The following TNFRSF10B variants were observed in gnomAD, a reference collection of about 807,000 sequenced individuals.
TNFRSF10B encodes TNF receptor superfamily member 10b, also known as tumor necrosis factor receptor superfamily member 10B.
TNFRSF10B carries 35 observed loss-of-function variants against 41.4 expected under a neutral mutation model. The ratio of observed to expected loss-of-function variants is 0.85; its 90% CI spans 0.65 to 1.12. The LOEUF is 1.12. TNFRSF10B is among the 50% of genes most tolerant of loss of function. The pLI is 0.00. For synonymous variants in TNFRSF10B, 230 were observed against 215.5 expected, an observed-to-expected ratio of 1.07 and a Z score of -0.59; for missense variants, 584 against 552.7, an observed-to-expected ratio of 1.06 and a Z score of -0.57.
intron 1 of TNFRSF10B, among the ~76,000 whole-genome samples, chr8:23,055,037 G>A (rs535554029): frequency 5.9e-4 from 90 of 152,160 alleles, no homozygotes; most frequent in South Asian, 2.7e-3. Context: ...AGTCTTCCTC[G>A]ATGTTTTTCA....
intron 1 of TNFRSF10B, among the ~76,000 whole-genome samples, chr8:23,054,393 T>G (rs948804510): frequency 2.0e-5 from 3 of 152,234 alleles, no homozygotes; most frequent in Non-Finnish European, 4.4e-5. Flanking sequence ...TACAGTATAC[T>G]CCTATGAACA....
chr8:23,024,319 G>A (rs1285127965), intron 7 of TNFRSF10B, 59 bp from the exon 8 acceptor site: 5 of 1,598,350 alleles, frequency 3.1e-6, no homozygotes, highest in Middle Eastern at 1.7e-4. Flanking sequence ...GTCCAGTACT[G>A]ACCCCGACCA....
intron 4 of TNFRSF10B, 78 bp downstream of exon 4, chr8:23,029,532 G>A (rs1170187354): frequency 4.2e-6 from 6 of 1,412,486 alleles, no homozygotes; most frequent in Middle Eastern, 1.9e-4. Flanking sequence ...TGCTGTCAGG[G>A]GAGAGACAGG....
intron 1 of TNFRSF10B, among the ~76,000 whole-genome samples, chr8:23,046,495 T>A (rs558357279): frequency 4.7e-4 from 72 of 152,108 alleles, no homozygotes; most frequent in African/African-American, 1.6e-3. Context: ...GAAGAACTAA[T>A]ATTGTTAAAA....
chr8:23,029,704 G>A lies in TNFRSF10B; in HGVS notation c.382C>T (p.Pro128Ser). The change falls in exon 4 of 9, where the codon CCC (proline) becomes TCC (serine). Residue 128 changes from proline to serine, a missense_variant. Pro to Ser is a moderately conservative substitution (Grantham distance 74, BLOSUM62 -1). Transcript: ENST00000276431. ...ACTGTGTTTCTGGTCGTGGTGCAGG[G>A]ACTTAGCTCCACTTCACCTGACGAC... ...RCDSGEVELS[P>S]CTTTRNTVCQ... 6.2e-7 allele frequency: 1 copy of A among 1,613,874 alleles called. No homozygotes were observed. Among genetic ancestry groups the A allele is most frequent in the South Asian group, 1.1e-5 (1 of 91,028 alleles).
At chr8:23,060,126 AAG>A (rs983671385) in intron 1 of TNFRSF10B, among the ~76,000 whole-genome samples, 125 of 152,138 alleles carry the variant, frequency 8.2e-4, no homozygotes, top group African/African-American at 2.7e-3. Context: ...TTTGATTCAC[AAG>A]AGTTACTGAT....
At position 23,031,689 on chromosome 8, in the gene TNFRSF10B, C is replaced by G. The variant is rs373810631; in HGVS notation, c.251-817G>C. 7.9e-5 allele frequency among the ~76,000 whole-genome samples: 12 copies of G among 151,948 alleles called. 1 individual carries two copies. The highest frequency in any genetic ancestry group is 2.7e-4 in the African/African-American group (11 of 41,416). On this transcript the variant is annotated intron_variant, in intron 2 of 8. Transcript: ENST00000276431. ...GGAATACAGGTGTCAGCCACTGTGC[C>G]CAGCCCACATATGAAATTTAAATCC...
intron 1 of TNFRSF10B, among the ~76,000 whole-genome samples, chr8:23,051,855 C>T (rs1010372679): frequency 6.6e-6 from 1 of 152,104 alleles, no homozygotes; most frequent in African/African-American, 2.4e-5. Flanking sequence ...AATACCCTAA[C>T]TTCTAATCTT....
At position 23,022,767 on chromosome 8, in the gene TNFRSF10B, CA is replaced by C; in HGVS notation, c.1226del (p.Leu409ArgfsTer15). 1.2e-6 allele frequency: 2 copies of C among 1,613,964 alleles called. No individual in the cohort carries two copies. The highest frequency in any genetic ancestry group is 2.2e-5 in the South Asian group (2 of 91,078). On this transcript the variant is annotated frameshift_variant, in exon 9 of 9. Transcript: ENST00000276431. LOFTEE classifies it low-confidence loss of function (END_TRUNC). ...TCTTCTGCTTGGCAAGTCTCTCTCC[CA>C]GCGTCTCCAAGGCATCCAGCAGGGT... is the stretch of plus-strand genomic sequence containing the variant. ...VHTLLDALET[L>X]GERLAKQKIE...
chr8:23,039,182 T>C (rs896541358), intron 2 of TNFRSF10B, among the ~76,000 whole-genome samples: 43 of 152,114 alleles, frequency 2.8e-4, no homozygotes, highest in Middle Eastern at 3.4e-3. Flanking sequence ...ATGCTGCCGC[T>C]GATTTGACGG....
intron 1 of TNFRSF10B, among the ~76,000 whole-genome samples, chr8:23,064,407 G>T (rs563562039): frequency 6.6e-6 from 1 of 152,222 alleles, no homozygotes; most frequent in African/African-American, 2.4e-5. Flanking sequence ...GCAGGACGAG[G>T]CTGTGCCGTC....
At chr8:23,031,163 C>T (rs1021257037) in intron 2 of TNFRSF10B, among the ~76,000 whole-genome samples, 1 of 152,114 alleles carries the variant, frequency 6.6e-6, no homozygotes, top group Non-Finnish European at 1.5e-5. Flanking sequence ...GCAACCTCCG[C>T]CTCCTGGGTT....
At chr8:23,029,849 G>A (rs1811827072) in intron 3 of TNFRSF10B, 128 bp from the exon 4 acceptor site, 5 of 830,568 alleles carry the variant, frequency 6.0e-6, no homozygotes, top group South Asian at 5.8e-5. Flanking sequence ...GCCAGTTTCT[G>A]CACCAGCACA....
chr8:23,028,346 T>G lies in TNFRSF10B; in HGVS notation c.733A>C (p.Lys245Gln). The change falls in exon 5 of 9, where the codon AAA becomes CAA. Residue 245 changes from lysine (K) to glutamine (Q), a missense_variant. Physicochemically the swap from Lys to Gln is moderately conservative, Grantham distance 53. Transcript: ENST00000276431. ...CAGCACCTACCTGAGCAGATGCCTT[T>G]CAGGTAAGGAAGGACTTTCTTCCAC... The part of the protein sequence containing the change: ...LLWKKVLPYL[K>Q]GICSGGGGDP... The G allele has an allele frequency of 1.2e-6, 2 of 1,614,098 alleles. No individual in the cohort carries two copies. The highest frequency in any genetic ancestry group is 1.7e-6 in the Non-Finnish European group (2 of 1,179,984).
chr8:23,034,959 C>T (rs1052531886), intron 2 of TNFRSF10B, among the ~76,000 whole-genome samples: 4 of 152,142 alleles, frequency 2.6e-5, no homozygotes, highest in African/African-American at 4.8e-5. Context: ...TTGAGCAAAT[C>T]GCCACATCCC....
In TNFRSF10B at chr8:23,021,846, C is replaced by T. The variant is rs183996386; in HGVS notation, c.*825G>A. On this transcript the variant is annotated 3_prime_UTR_variant, in exon 9 of 9. Transcript: ENST00000276431. ...ATCTTACAGGGGACTTCTTCTTCTT[C>T]CCCCATTGTATGTCTCCTCCTTTTA... 134 of 454,136 alleles carry T rather than the reference C, an allele frequency of 3.0e-4. No homozygotes were observed. In the East Asian group the frequency reaches 8.0e-3, roughly 27 times the overall value. 28.1% of individuals were successfully genotyped at this position (454,136 alleles called of 1,614,324 possible).
intron 1 of TNFRSF10B, among the ~76,000 whole-genome samples, chr8:23,050,521 T>C (rs1812496127): frequency 6.6e-6 from 1 of 152,088 alleles, no homozygotes; most frequent in Non-Finnish European, 1.5e-5. Flanking sequence ...TTGGTTTTAT[T>C]TCTCTCTCTC....
At chr8:23,062,110 G>A (rs573985592) in intron 1 of TNFRSF10B, among the ~76,000 whole-genome samples, 65 of 152,266 alleles carry the variant, frequency 4.3e-4, no homozygotes, top group African/African-American at 1.5e-3. Flanking sequence ...AGTGGTATTA[G>A]CTCTTCATTA....
chr8:23,024,275 G>A lies in TNFRSF10B; in HGVS notation c.937-15C>T, dbSNP rs771157362. ...TCTGCCGGTTCCTGTAACACATAGT[G>A]GGGAATGTCCTGGTCAGAGCCAGGA... On this transcript the variant is annotated splice_polypyrimidine_tract_variant and intron_variant, in intron 7 of 8. Coordinates refer to ENST00000276431, the MANE Select transcript of TNFRSF10B (RefSeq NM_003842.5). 94 of 1,613,734 alleles carry A rather than the reference G, an allele frequency of 5.8e-5. No homozygotes were observed. Among genetic ancestry groups the A allele is most frequent in the Non-Finnish European group, 7.6e-5 (90 of 1,179,858 alleles).
Sources: gnomAD v4.1 joint callset for allele counts (sites outside exome capture counted in the v4.1 genomes callset) on GRCh38, gnomAD v4.1.1 for gene constraint, MANE v1.5 for transcripts, NCBI Gene and HGNC (gene_info 2026-07-23, HGNC 2026-07-21) for gene names.